Variants in ST6GALNAC3 observed in about 807,000 individuals in gnomAD.
ST6GALNAC3 encodes the protein alpha-N-acetylgalactosaminide alpha-2,6-sialyltransferase 3.
ST6GALNAC3 carries 25 observed loss-of-function variants against 32.7 expected under a neutral mutation model. The ratio of observed to expected loss-of-function variants is 0.76; its 90% CI spans 0.56 to 1.07. The LOEUF (loss-of-function observed/expected upper bound fraction) is 1.07, where lower values mean the gene tolerates loss of function less well. Among genes scored for constraint, ST6GALNAC3 ranks in the 50% least tolerant of loss-of-function variants. The pLI is 0.00. For synonymous variants in ST6GALNAC3, 129 were observed against 133.1 expected, an observed-to-expected ratio of 0.97 and a Z score of 0.21; for missense variants, 355 against 382.4, an observed-to-expected ratio of 0.93 and a Z score of 0.60.
intron 3 of ST6GALNAC3, among the ~76,000 whole-genome samples, chr1:76,519,028 G>A (rs898383210): frequency 1.4e-4 from 21 of 152,034 alleles, no homozygotes; most frequent in African/African-American, 3.9e-4. Context: ...ATCGTGCCAC[G>A]AAACTCTGTC....
chr1:76,561,737 G>A (rs1056953832), intron 3 of ST6GALNAC3, among the ~76,000 whole-genome samples: 5 of 151,990 alleles, frequency 3.3e-5, no homozygotes, highest in Non-Finnish European at 5.9e-5. Context: ...TGGACATAGA[G>A]GCCACACATG....
intron 3 of ST6GALNAC3, among the ~76,000 whole-genome samples, chr1:76,464,757 G>A (rs1287490701): frequency 6.6e-6 from 1 of 152,082 alleles, no homozygotes; most frequent in Non-Finnish European, 1.5e-5. Flanking sequence ...ATTACCCTAC[G>A]AGGTCATTCT....
chr1:76,422,411 A>C (rs187075870), intron 3 of ST6GALNAC3, among the ~76,000 whole-genome samples: 23 of 152,138 alleles, frequency 1.5e-4, no homozygotes, highest in Non-Finnish European at 1.5e-4. Context: ...TCATCATTGC[A>C]CTCAAGGAAC....
intron 3 of ST6GALNAC3, among the ~76,000 whole-genome samples, chr1:76,588,345 T>G (rs1646995757): frequency 6.6e-6 from 1 of 152,168 alleles, no homozygotes; most frequent in Admixed American, 6.5e-5. Flanking sequence ...TTTCTTGGTT[T>G]CTGCTTTTCT....
intron 1 of ST6GALNAC3, among the ~76,000 whole-genome samples, chr1:76,277,442 T>G (rs1315499364): frequency 2.0e-5 from 3 of 150,670 alleles, no homozygotes; most frequent in Non-Finnish European, 3.0e-5. Context: ...GTGGAAACAA[T>G]TAATTTCTAT....
At chr1:76,293,853 A>T (rs1660234515) in intron 1 of ST6GALNAC3, among the ~76,000 whole-genome samples, 1 of 152,052 alleles carries the variant, frequency 6.6e-6, no homozygotes, top group Non-Finnish European at 1.5e-5. Flanking sequence ...TATAAGTAGA[A>T]GTGTGTGTGT....
chr1:76,243,673 C>G (rs557039029), intron 1 of ST6GALNAC3, among the ~76,000 whole-genome samples: 1 of 152,286 alleles, frequency 6.6e-6, no homozygotes, highest in East Asian at 1.9e-4. Flanking sequence ...CTGCCTATGG[C>G]TAGCTAGTTT....
At chr1:76,294,951 G>T (rs1660307310) in intron 1 of ST6GALNAC3, among the ~76,000 whole-genome samples, 1 of 152,078 alleles carries the variant, frequency 6.6e-6, no homozygotes, top group Non-Finnish European at 1.5e-5. Flanking sequence ...TGTTTAACTT[G>T]TTAACAGCTG....
At position 76,494,468 on chromosome 1, in the gene ST6GALNAC3, T is replaced by TATACACAC. The variant is rs1472545640; in HGVS notation, c.623+82052_623+82053insTACACACA. On this transcript the variant is annotated intron_variant, in intron 3 of 4. Coordinates refer to ENST00000328299, the MANE Select transcript of ST6GALNAC3 (RefSeq NM_152996.4). ...ATATATATATATATATATATATATA[T>TATACACAC]ACACACACACACACACACTTTCCCT... Among the ~76,000 whole-genome samples, 425 of 59,514 alleles carry TATACACAC rather than the reference T, an allele frequency of 7.1e-3. 60 individuals carry two copies. The highest frequency in any genetic ancestry group is 0.025 in the East Asian group (31 of 1,250). The allele number at this position is 59,514 out of a possible 152,430, so 39.0% of individuals were successfully genotyped here. A position where few individuals can be genotyped will look rare whatever the true frequency, so the allele number is the denominator to read the frequency against.
intron 1 of ST6GALNAC3, among the ~76,000 whole-genome samples, chr1:76,299,454 A>T (rs1056302903): frequency 2.0e-5 from 3 of 152,068 alleles, no homozygotes; most frequent in Non-Finnish European, 4.4e-5. Context: ...TGCAACTTTA[A>T]AAAGGGGATG....
intron 1 of ST6GALNAC3, among the ~76,000 whole-genome samples, chr1:76,189,358 T>C (rs1435571322): frequency 6.6e-6 from 1 of 152,214 alleles, no homozygotes; most frequent in Non-Finnish European, 1.5e-5. Context: ...TCCAGGCACA[T>C]AGAACCTTTC....
At chr1:76,587,032 G>A (rs749094774) in intron 3 of ST6GALNAC3, among the ~76,000 whole-genome samples, 8 of 152,184 alleles carry the variant, frequency 5.3e-5, no homozygotes, top group Non-Finnish European at 8.8e-5. Flanking sequence ...CAGTCAGTTC[G>A]TTGGATGATG....
intron 3 of ST6GALNAC3, among the ~76,000 whole-genome samples, chr1:76,507,947 T>C (rs78292107): frequency 0.081 from 12,375 of 152,234 alleles, 1,459 homozygotes; most frequent in African/African-American, 0.26. Flanking sequence ...TTGCTATTAC[T>C]TGTCTTTTTT....
chr1:76,378,400 G>T (rs961737415), intron 2 of ST6GALNAC3, among the ~76,000 whole-genome samples: 4 of 152,040 alleles, frequency 2.6e-5, no homozygotes, highest in African/African-American at 7.2e-5. Context: ...GGTAGCTCAC[G>T]CCTGGAATCC....
At chr1:76,537,679 A>T (rs190844453) in intron 3 of ST6GALNAC3, among the ~76,000 whole-genome samples, 1 of 152,200 alleles carries the variant, frequency 6.6e-6, no homozygotes, top group Non-Finnish European at 1.5e-5. Context: ...GAAATGATAA[A>T]GAGGATGTCA....
At position 76,217,252 on chromosome 1, in the gene ST6GALNAC3, T is replaced by C. The variant is rs1655517954; in HGVS notation, c.19-96553T>C. Among the ~76,000 whole-genome samples, 3 of 152,318 alleles carry C rather than the reference T, an allele frequency of 2.0e-5. No homozygotes were observed. The South Asian group carries it at 6.2e-4, about 32-fold the overall frequency. On this transcript the variant is annotated intron_variant, in intron 1 of 4. Coordinates refer to ENST00000328299, the MANE Select transcript of ST6GALNAC3 (RefSeq NM_152996.4). ...GTGTGTTTTTCTTGAGAAGAGGAAA[T>C]TAAATTATGATCATAAATCCCTTTC...
chr1:76,406,163 G>C (rs1014851949), intron 2 of ST6GALNAC3, among the ~76,000 whole-genome samples: 1 of 152,072 alleles, frequency 6.6e-6, no homozygotes, highest in African/African-American at 2.4e-5. Flanking sequence ...CCTCATAGAA[G>C]AGAAGAGCCA....
At chr1:76,624,403 A>G (rs1648835316) in intron 3 of ST6GALNAC3, among the ~76,000 whole-genome samples, 1 of 151,874 alleles carries the variant, frequency 6.6e-6, no homozygotes, top group South Asian at 2.1e-4. Flanking sequence ...TGACCATTGT[A>G]TCTTCTTTAT....
chr1:76,193,452 C>T (rs759497303), intron 1 of ST6GALNAC3, among the ~76,000 whole-genome samples: 9 of 152,076 alleles, frequency 5.9e-5, no homozygotes, highest in Admixed American at 1.3e-4. Flanking sequence ...CCTTGATTTC[C>T]TCCACAACAT....
Sources: gnomAD v4.1 joint callset for allele counts (sites outside exome capture counted in the v4.1 genomes callset) on GRCh38, gnomAD v4.1.1 for gene constraint, MANE v1.5 for transcripts, NCBI Gene and HGNC (gene_info 2026-07-23, HGNC 2026-07-21) for gene names.